The following DMD variants were observed in gnomAD, a reference collection of about 807,000 sequenced individuals.
The protein encoded by DMD is dystrophin.
A neutral mutation model predicts 330.1 loss-of-function variants in DMD; 63 were observed. That is an observed-to-expected ratio of 0.19 (90% CI 0.16 to 0.24). DMD has a LOEUF of 0.24. Among genes scored for constraint, DMD ranks in the 10% least tolerant of loss-of-function variants. DMD has a pLI of 1.00. For missense variants in DMD, 3,344 were observed against 2,684.1 expected, an observed-to-expected ratio of 1.25 and a Z score of -5.43; for synonymous variants, 1,223 against 959.8, an observed-to-expected ratio of 1.27 and a Z score of -5.07.
At chrX:31,285,813 T>C (rs2053167444) in intron 62 of DMD, among the ~76,000 whole-genome samples, 1 of 111,721 alleles carries the variant, frequency 9.0e-6, no homozygotes, top group African/African-American at 3.2e-5. Flanking sequence ...ACTGGAACTT[T>C]GGAAAATAAA....
chrX:32,171,956 A>G (rs2147357220), intron 44 of DMD, among the ~76,000 whole-genome samples: 1 of 111,965 alleles, frequency 8.9e-6, no homozygotes, highest in South Asian at 3.7e-4. Context: ...AATGTCATAG[A>G]AAAACATTCT....
intron 51 of DMD, among the ~76,000 whole-genome samples, chrX:31,735,960 T>C (rs1221265584): frequency 8.9e-6 from 1 of 111,914 alleles, no homozygotes; most frequent in Non-Finnish European, 1.9e-5. Context: ...AAGGGATTCA[T>C]ACTTGGTTTC....
chrX:32,153,571 T>C (rs2096816096), intron 44 of DMD, among the ~76,000 whole-genome samples: 1 of 111,870 alleles, frequency 8.9e-6, no homozygotes, highest in African/African-American at 3.3e-5. Context: ...AAGAAGAGTA[T>C]GTATTTTAAA....
intron 1 of DMD, among the ~76,000 whole-genome samples, chrX:33,283,682 A>G (rs2053377967): frequency 9.0e-6 from 1 of 111,005 alleles, no homozygotes; most frequent in African/African-American, 3.3e-5. Context: ...AAATATATAA[A>G]ACTTTAATAT....
At chrX:32,084,196 A>G (rs1357715550) in intron 44 of DMD, among the ~76,000 whole-genome samples, 1 of 111,863 alleles carries the variant, frequency 8.9e-6, no homozygotes, top group Non-Finnish European at 1.9e-5. Context: ...AGTAAGAAGG[A>G]CTTAGTCAAG....
intron 34 of DMD, among the ~76,000 whole-genome samples, chrX:32,365,795 G>T (rs1458779278): frequency 1.8e-5 from 2 of 111,911 alleles, no homozygotes; most frequent in African/African-American, 3.2e-5. Flanking sequence ...TAATTAACAA[G>T]ATCTAGCATC....
intron 60 of DMD, among the ~76,000 whole-genome samples, chrX:31,371,026 G>A (rs1286233816): frequency 1.8e-5 from 2 of 111,545 alleles, no homozygotes; most frequent in East Asian, 5.6e-4. Context: ...AGGAGGTAGG[G>A]GGGGCAGGGA....
chrX:31,210,606 T>C (rs1293705800), intron 64 of DMD, among the ~76,000 whole-genome samples: 2 of 112,234 alleles, frequency 1.8e-5, no homozygotes, highest in Admixed American at 1.9e-4. Context: ...CTTATACACC[T>C]AAGCTCTGGT....
Position 32,115,396 on chromosome X carries a change from C to T in DMD, c.6438+101520G>A, listed in dbSNP as rs994714438. Among the ~76,000 whole-genome samples the T allele has an allele frequency of 9.1e-5, 10 of 110,242 alleles. No homozygotes were observed. In the South Asian group the frequency reaches 1.2e-3, roughly 13 times the overall value. ...GACTACAGGCATGTGCCACCACACCCGATTAATTTTTGCGCGCGTGTGTGT... is the reference window on the plus strand; with the variant it reads ...GACTACAGGCATGTGCCACCACACCTGATTAATTTTTGCGCGCGTGTGTGT... On this transcript the variant is annotated intron_variant, in intron 44 of 78. Transcript: ENST00000357033.
chrX:31,823,195 T>C (rs2092812776), intron 49 of DMD, among the ~76,000 whole-genome samples: 1 of 112,608 alleles, frequency 8.9e-6, no homozygotes, highest in Non-Finnish European at 1.9e-5. Context: ...AGAAGTAAAA[T>C]TGCTTTGCTA....
chrX:33,029,898 A>C (rs1055580262), intron 1 of DMD, among the ~76,000 whole-genome samples: 18 of 111,538 alleles, frequency 1.6e-4, no homozygotes, highest in African/African-American at 5.9e-4. Flanking sequence ...GCAAACAGTT[A>C]ATTCTTATCC....
At chrX:32,829,102 G>A (rs2078973696) in intron 4 of DMD, among the ~76,000 whole-genome samples, 2 of 111,637 alleles carry the variant, frequency 1.8e-5, no homozygotes, top group Non-Finnish European at 3.8e-5. Flanking sequence ...AAGTAAAACT[G>A]TCTTACAGAT....
intron 63 of DMD, among the ~76,000 whole-genome samples, chrX:31,252,798 G>A (rs2049518312): frequency 9.0e-6 from 1 of 111,705 alleles, no homozygotes. Flanking sequence ...TGGATCATGA[G>A]GTCAAGAGAT....
chrX:31,904,326 T>A (rs1426328828), intron 47 of DMD, among the ~76,000 whole-genome samples: 1 of 111,664 alleles, frequency 9.0e-6, no homozygotes, highest in East Asian at 2.8e-4. Context: ...AGGGAAATAA[T>A]CCGTGGTGGG....
intron 44 of DMD, among the ~76,000 whole-genome samples, chrX:32,056,591 G>C (rs1273790043): frequency 9.1e-6 from 1 of 110,301 alleles, no homozygotes; most frequent in Non-Finnish European, 1.9e-5. Flanking sequence ...TAGAAAATCT[G>C]AGTAGGCCGA....
chrX:32,610,378 C>G (rs147778816), intron 12 of DMD, among the ~76,000 whole-genome samples: 1 of 111,101 alleles, frequency 9.0e-6, no homozygotes, highest in East Asian at 2.8e-4. Context: ...CATATAGGAT[C>G]AATTGCTTTA....
At chrX:32,263,008 A>G (rs775564719) in intron 43 of DMD, among the ~76,000 whole-genome samples, 29 of 111,985 alleles carry the variant, frequency 2.6e-4, no homozygotes, top group Non-Finnish European at 5.6e-5. Context: ...AGCACTCACT[A>G]AGAAACCATC....
At chrX:32,613,367 G>A (rs1345653831) in intron 12 of DMD, among the ~76,000 whole-genome samples, 1 of 110,064 alleles carries the variant, frequency 9.1e-6, no homozygotes, top group Non-Finnish European at 1.9e-5. Flanking sequence ...AATATTTTAT[G>A]GCACTTATTA....
chrX:31,673,541 G>C, intron 53 of DMD, among the ~76,000 whole-genome samples: 1 of 111,164 alleles, frequency 9.0e-6, no homozygotes, highest in Admixed American at 9.6e-5. Flanking sequence ...ACAGGAGGTG[G>C]AGGTTGCACT....
Sources: allele counts gnomAD v4.1 joint callset (sites outside exome capture counted in the v4.1 genomes callset), GRCh38; gene constraint gnomAD v4.1.1; transcripts MANE v1.5; gene names NCBI Gene and HGNC (gene_info 2026-07-23, HGNC 2026-07-21).